CSMD1: variants seen among roughly 807,000 people sequenced by gnomAD.
CSMD1 encodes the protein CUB and sushi domain-containing protein 1.
In CSMD1, 213 loss-of-function variants were observed where a neutral mutation model predicts 417.5. The observed-to-expected ratio is 0.51, with a 90% CI of 0.46 to 0.57. The LOEUF is 0.57. Among genes scored for constraint, CSMD1 ranks in the 20% least tolerant of loss-of-function variants. The pLI is 0.00. For synonymous variants in CSMD1, 2,862 were observed against 1,736.8 expected (o/e 1.65, Z -16.11); for missense variants, 6,923 against 4,529.7 (o/e 1.53, Z -15.17).
chr8:4,039,331 T>C (rs12677236), intron 3 of CSMD1, among the ~76,000 whole-genome samples: 22,613 of 152,152 alleles, frequency 0.15, 2,404 homozygotes, highest in East Asian at 0.39. Flanking sequence ...TGTGTTTGTT[T>C]TGGACTATTT....
At position 3,108,588 on chromosome 8, in the gene CSMD1, T is replaced by C. The variant is rs1207378677; in HGVS notation, c.6754+15A>G. ...GAATTCTCAGTCTTAACTAACGGAGTGAAAATCAACTGACCGTGGAAATTG... is the reference window on the plus strand; with the variant it reads ...GAATTCTCAGTCTTAACTAACGGAGCGAAAATCAACTGACCGTGGAAATTG... On this transcript the variant is annotated intron_variant, in intron 44 of 69. Transcript: ENST00000635120. The C allele has an allele frequency of 2.5e-6, 4 of 1,612,550 alleles. No individual in the cohort carries two copies. In the Admixed American group the frequency reaches 6.7e-5, roughly 27 times the overall value.
At chr8:3,707,158 G>C (rs1186841069) in intron 7 of CSMD1, among the ~76,000 whole-genome samples, 2 of 152,154 alleles carry the variant, frequency 1.3e-5, no homozygotes, top group African/African-American at 4.8e-5. Context: ...ACAAGCAATT[G>C]TCAGGAAATC....
intron 5 of CSMD1, among the ~76,000 whole-genome samples, chr8:3,780,457 A>G (rs1020608349): frequency 1.3e-5 from 2 of 152,212 alleles, no homozygotes; most frequent in African/African-American, 4.8e-5. Context: ...CACAACTTTA[A>G]TGGTTCAAAA....
At chr8:3,453,790 T>C (rs530325471) in intron 12 of CSMD1, among the ~76,000 whole-genome samples, 29 of 152,312 alleles carry the variant, frequency 1.9e-4, no homozygotes, top group Admixed American at 1.5e-3. Flanking sequence ...TATATTCTAT[T>C]GATTTGGGGG....
intron 3 of CSMD1, among the ~76,000 whole-genome samples, chr8:4,334,623 GCTGA>G (rs1265310256): frequency 5.3e-5 from 8 of 152,120 alleles, no homozygotes; most frequent in Non-Finnish European, 8.8e-5. Context: ...TCTGGAGAAT[GCTGA>G]CTAATACATA....
intron 1 of CSMD1, among the ~76,000 whole-genome samples, chr8:4,690,959 G>C (rs894368291): frequency 2.6e-5 from 4 of 152,124 alleles, no homozygotes; most frequent in Non-Finnish European, 5.9e-5. Flanking sequence ...GCTCTCTTGA[G>C]CTCATGATCT....
intron 10 of CSMD1, among the ~76,000 whole-genome samples, chr8:3,519,345 C>G (rs949116134): frequency 6.6e-6 from 1 of 152,118 alleles, no homozygotes. Context: ...AATTTATCTG[C>G]AGAAAAAGAA....
At chr8:3,841,949 A>G (rs1046166827) in intron 5 of CSMD1, among the ~76,000 whole-genome samples, 1 of 152,106 alleles carries the variant, frequency 6.6e-6, no homozygotes, top group African/African-American at 2.4e-5. Context: ...AAAGAAAAGG[A>G]AAGTTACTGC....
chr8:3,497,572 AT>A (rs1220761220), intron 10 of CSMD1, among the ~76,000 whole-genome samples: 1 of 151,718 alleles, frequency 6.6e-6, no homozygotes, highest in African/African-American at 2.4e-5. Flanking sequence ...GCCATTTCAC[AT>A]TTTTTCACTT....
chr8:3,870,597 C>T (rs778813093), intron 5 of CSMD1, among the ~76,000 whole-genome samples: 4 of 152,160 alleles, frequency 2.6e-5, no homozygotes, highest in Non-Finnish European at 4.4e-5. Context: ...TCTCTTTCCC[C>T]AAACTCTTCC....
chr8:3,324,560 T>G (rs1463834166), intron 23 of CSMD1, among the ~76,000 whole-genome samples: 1 of 145,194 alleles, frequency 6.9e-6, no homozygotes, highest in Non-Finnish European at 1.5e-5. Context: ...ACTGTTAAAA[T>G]AGACACACAT....
intron 1 of CSMD1, among the ~76,000 whole-genome samples, chr8:4,770,250 C>A (rs950335772): frequency 2.0e-5 from 3 of 147,106 alleles, no homozygotes; most frequent in Non-Finnish European, 4.5e-5. Context: ...TATATGTATT[C>A]CTAATTACAT....
intron 7 of CSMD1, among the ~76,000 whole-genome samples, chr8:3,649,997 G>C (rs147236634): frequency 3.9e-5 from 6 of 152,216 alleles, no homozygotes; most frequent in Non-Finnish European, 8.8e-5. Flanking sequence ...TGATAAATGA[G>C]GCTGGGCCTG....
In CSMD1 at chr8:3,189,000, C is replaced by T. The variant is rs375979816; in HGVS notation, c.5410G>A (p.Gly1804Ser). The part of the protein sequence containing the change: ...TIPSCVVPCS[G>S]NFTQRRGTIL... Reference sequence around the variant, plus strand: ...GTACCTCTTCGTTGAGTGAAATTGCCACTGCAGGGTACTAAAAGACACAAC... The same window carrying T: ...GTACCTCTTCGTTGAGTGAAATTGCTACTGCAGGGTACTAAAAGACACAAC... Residue 1804 changes from glycine (G) to serine (S), a missense_variant, in exon 35 of 70, where the codon GGC becomes AGC. Coordinates refer to ENST00000635120, the MANE Select transcript of CSMD1 (RefSeq NM_033225.6). The T allele has an allele frequency of 2.4e-5, 38 of 1,612,762 alleles. No homozygotes were observed. The East Asian group carries it at 6.9e-4, about 29-fold the overall frequency.
intron 3 of CSMD1, among the ~76,000 whole-genome samples, chr8:4,139,098 C>T (rs1803618160): frequency 6.6e-6 from 1 of 152,254 alleles, no homozygotes; most frequent in South Asian, 2.1e-4. Context: ...GACCACAACA[C>T]AGCTACACAT....
At chr8:3,188,789 G>C (rs946174904) in intron 35 of CSMD1, 98 bp downstream of exon 35, 4 of 1,058,280 alleles carry the variant, frequency 3.8e-6, no homozygotes, top group African/African-American at 1.6e-5. Flanking sequence ...GAGGGAGAGA[G>C]AGAGAGATGG....
At chr8:3,817,173 C>T (rs1422359893) in intron 5 of CSMD1, among the ~76,000 whole-genome samples, 2 of 150,742 alleles carry the variant, frequency 1.3e-5, no homozygotes, top group African/African-American at 2.4e-5. Flanking sequence ...GAGACGACCC[C>T]TCCCCCTCCC....
At chr8:4,319,320 A>G (rs749764585) in intron 3 of CSMD1, among the ~76,000 whole-genome samples, 4 of 152,170 alleles carry the variant, frequency 2.6e-5, no homozygotes, top group East Asian at 1.9e-4. Context: ...AATGAATTAA[A>G]AAGTCTTAGC....
intron 10 of CSMD1, among the ~76,000 whole-genome samples, chr8:3,510,475 C>G (rs1265815215): frequency 2.0e-5 from 3 of 151,856 alleles, no homozygotes; most frequent in Non-Finnish European, 2.9e-5. Context: ...TCAATATCAT[C>G]TTACAGGGTC....
Sources: gnomAD v4.1 joint callset for allele counts (sites outside exome capture counted in the v4.1 genomes callset) on GRCh38, gnomAD v4.1.1 for gene constraint, MANE v1.5 for transcripts, NCBI Gene and HGNC (gene_info 2026-07-23, HGNC 2026-07-21) for gene names.